The following HCN1 variants were observed in gnomAD, a reference collection of about 807,000 sequenced individuals.
HCN1 encodes the protein hyperpolarization activated cyclic nucleotide gated potassium channel 1.
HCN1 carries 13 observed loss-of-function variants against 78.9 expected under a neutral mutation model. The ratio of observed to expected loss-of-function variants is 0.16; its 90% CI spans 0.11 to 0.26. The LOEUF is 0.26. Among genes scored for constraint, HCN1 ranks in the 10% least tolerant of loss-of-function variants. The pLI is 1.00. For synonymous variants in HCN1, 552 were observed against 455.5 expected, an observed-to-expected ratio of 1.21 and a Z score of -2.70; for missense variants, 810 against 1,154.3, an observed-to-expected ratio of 0.70 and a Z score of 4.32.
intron 5 of HCN1, among the ~76,000 whole-genome samples, chr5:45,334,895 C>T (rs772380927): frequency 6.6e-6 from 1 of 151,916 alleles, no homozygotes; most frequent in Non-Finnish European, 1.5e-5. Context: ...TTTTAGAAGG[C>T]ATTTAAAAAA....
chr5:45,398,470 T>C (rs1289152378), intron 3 of HCN1, among the ~76,000 whole-genome samples: 1 of 152,192 alleles, frequency 6.6e-6, no homozygotes, highest in Non-Finnish European at 1.5e-5. Flanking sequence ...TTTATGTCTA[T>C]GCAATTTTGT....
At position 45,303,471 on chromosome 5, in the gene HCN1, T is replaced by A. The variant is rs936219298; in HGVS notation, c.1618+128A>T. 1.2e-5 allele frequency: 11 copies of A among 884,566 alleles called. No homozygotes were observed. The South Asian group carries it at 1.5e-4, about 12-fold the overall frequency. 54.8% of individuals were successfully genotyped at this position (884,566 alleles called of 1,614,324 possible). A position where few individuals can be genotyped will look rare whatever the true frequency, so the allele number is the denominator to read the frequency against. On this transcript the variant is annotated intron_variant, in intron 6 of 7. Coordinates refer to ENST00000303230, the MANE Select transcript of HCN1 (RefSeq NM_021072.4). ...ATATGAAAACACTGTTATAGACACT[T>A]TTATCAGAATTCACATACAGGTTTA...
intron 4 of HCN1, among the ~76,000 whole-genome samples, chr5:45,360,661 G>T (rs1032881482): frequency 6.6e-6 from 1 of 151,740 alleles, no homozygotes; most frequent in East Asian, 1.9e-4. Flanking sequence ...AAAATGTGTT[G>T]CTGGTTATTT....
chr5:45,424,421 G>T (rs1740297141), intron 3 of HCN1, among the ~76,000 whole-genome samples: 1 of 152,032 alleles, frequency 6.6e-6, no homozygotes, highest in Non-Finnish European at 1.5e-5. Flanking sequence ...ATGAAATCAA[G>T]TCCTAATAAT....
chr5:45,277,637 T>TTG (rs1561085303), intron 6 of HCN1, among the ~76,000 whole-genome samples: 1 of 151,980 alleles, frequency 6.6e-6, no homozygotes, highest in Admixed American at 6.6e-5. Context: ...AAAGCAGTAT[T>TTG]TGTGTGTGTG....
rs111893704 is a variant in HCN1, at chr5:45,692,044, T to G, written c.425+3625A>C. On this transcript the variant is annotated intron_variant, in intron 1 of 7. Transcript: ENST00000303230. ...GCAAGATGTTGGCTGGCAATACATA[T>G]GGAAAGGAGCATTCTTTTTAAAAGT... 9.4e-3 allele frequency among the ~76,000 whole-genome samples: 1,432 copies of G among 152,274 alleles called. 19 individuals are homozygous for G. The highest frequency in any genetic ancestry group is 0.033 in the African/African-American group (1,370 of 41,570).
chr5:45,631,555 T>A (rs555941158), intron 2 of HCN1, among the ~76,000 whole-genome samples: 1 of 152,104 alleles, frequency 6.6e-6, no homozygotes, highest in South Asian at 2.1e-4. Context: ...CATGATAACA[T>A]TCCCAATATT....
chr5:45,601,453 G>A (rs1226019413), intron 2 of HCN1, among the ~76,000 whole-genome samples: 1 of 152,136 alleles, frequency 6.6e-6, no homozygotes, highest in Non-Finnish European at 1.5e-5. Flanking sequence ...TTTCTCACCT[G>A]TAAAATCAGA....
At chr5:45,272,558 A>C (rs527635057) in intron 6 of HCN1, among the ~76,000 whole-genome samples, 1 of 152,162 alleles carries the variant, frequency 6.6e-6, no homozygotes, top group East Asian at 1.9e-4. Context: ...GCATACCCCA[A>C]TTACAGTGAA....
At position 45,605,947 on chromosome 5, in the gene HCN1, T is replaced by C. The variant is rs533814280; in HGVS notation, c.849+39238A>G. ...ACTTGTGTGTGAATAATGAAACTTATAAGCAAAATTAAAATTCAAAGGTAA... is the reference window on the plus strand; with the variant it reads ...ACTTGTGTGTGAATAATGAAACTTACAAGCAAAATTAAAATTCAAAGGTAA... On this transcript the variant is annotated intron_variant, in intron 2 of 7. Transcript: ENST00000303230. 1.5e-4 allele frequency among the ~76,000 whole-genome samples: 23 copies of C among 151,546 alleles called. No individual in the cohort carries two copies. The East Asian group carries it at 4.2e-3, about 28-fold the overall frequency.
intron 2 of HCN1, among the ~76,000 whole-genome samples, chr5:45,489,188 G>A (rs1156728127): frequency 6.6e-6 from 1 of 152,138 alleles, no homozygotes; most frequent in Non-Finnish European, 1.5e-5. Context: ...AAGCGAAGAT[G>A]CCAGAGGTAT....
intron 4 of HCN1, among the ~76,000 whole-genome samples, chr5:45,373,232 T>G (rs868172075): frequency 8.5e-6 from 1 of 118,334 alleles, no homozygotes; most frequent in Non-Finnish European, 1.6e-5. Context: ...ATATATATTT[T>G]ACATTATATA....
intron 2 of HCN1, among the ~76,000 whole-genome samples, chr5:45,463,721 C>G (rs1255788987): frequency 1.3e-5 from 2 of 151,936 alleles, no homozygotes; most frequent in East Asian, 3.8e-4. Flanking sequence ...AAAAAGCTTT[C>G]TACTGATAAA....
intron 2 of HCN1, among the ~76,000 whole-genome samples, chr5:45,548,751 T>C (rs1368413233): frequency 1.3e-5 from 2 of 152,072 alleles, no homozygotes; most frequent in Non-Finnish European, 2.9e-5. Context: ...AAAACCCCAT[T>C]GTCTCAGCTC....
At chr5:45,629,853 TTAA>T (rs1745238634) in intron 2 of HCN1, among the ~76,000 whole-genome samples, 1 of 152,212 alleles carries the variant, frequency 6.6e-6, no homozygotes, top group Non-Finnish European at 1.5e-5. Flanking sequence ...TCATCCACAA[TTAA>T]TAAATTATTA....
rs139025149 is a variant in HCN1, at chr5:45,689,992, T to C, written c.425+5677A>G. ...GCAGTATTAATTGGTCAAATCAATA[T>C]GTATAGAATCTCTAGAATGTTCATA... On this transcript the variant is annotated intron_variant, in intron 1 of 7. Coordinates refer to ENST00000303230, the MANE Select transcript of HCN1 (RefSeq NM_021072.4). Among the ~76,000 whole-genome samples, 157 of 152,214 alleles carry C rather than the reference T, an allele frequency of 1.0e-3. 2 individuals are homozygous for C. Among genetic ancestry groups the C allele is most frequent in the Middle Eastern group, 6.8e-3 (2 of 294 alleles).
chr5:45,354,310 A>G (rs903460226), intron 4 of HCN1, among the ~76,000 whole-genome samples: 1 of 152,114 alleles, frequency 6.6e-6, no homozygotes, highest in African/African-American at 2.4e-5. Context: ...CTGAAAAAAA[A>G]ATAATTAGGT....
chr5:45,313,228 C>A (rs146638361), intron 5 of HCN1, among the ~76,000 whole-genome samples: 1 of 152,174 alleles, frequency 6.6e-6, no homozygotes, highest in African/African-American at 2.4e-5. Flanking sequence ...TGTTCTGCAG[C>A]CTTCATTGCT....
intron 2 of HCN1, among the ~76,000 whole-genome samples, chr5:45,549,722 G>A (rs1276120607): frequency 6.6e-6 from 1 of 152,042 alleles, no homozygotes; most frequent in Admixed American, 6.6e-5. Context: ...CCTACAGAAT[G>A]GGAGAAAATT....
Sources: gnomAD v4.1 joint callset for allele counts (sites outside exome capture counted in the v4.1 genomes callset) on GRCh38, gnomAD v4.1.1 for gene constraint, MANE v1.5 for transcripts, NCBI Gene and HGNC (gene_info 2026-07-23, HGNC 2026-07-21) for gene names.